ZFP64: variants seen among roughly 807,000 people sequenced by gnomAD.
ZFP64 encodes ZFP64 zinc finger protein, also known as zinc finger protein 64.
A neutral mutation model predicts 51.6 loss-of-function variants in ZFP64; 14 were observed. The observed-to-expected ratio is 0.27, with a 90% CI of 0.18 to 0.42. ZFP64 has a LOEUF of 0.42. Ranked by LOEUF, ZFP64 falls within the 10% of genes least tolerant of loss-of-function variation. ZFP64 has a pLI of 1.00. For missense variants in ZFP64, 754 were observed against 906.8 expected (o/e 0.83, Z 2.16); for synonymous variants, 375 against 361.4 (o/e 1.04, Z -0.43).
intron 7 of ZFP64, among the ~76,000 whole-genome samples, chr20:52,095,894 A>G (rs1263855597): frequency 6.6e-6 from 1 of 152,218 alleles, no homozygotes; most frequent in Non-Finnish European, 1.5e-5. Context: ...AGTTATTTTC[A>G]GGATAAAGTC....
intron 5 of ZFP64, among the ~76,000 whole-genome samples, chr20:52,125,960 C>T (rs1979428236): frequency 6.6e-6 from 1 of 152,098 alleles, no homozygotes; most frequent in Non-Finnish European, 1.5e-5. Flanking sequence ...TGGCTCACTG[C>T]AACCTCCGCG....
At position 52,160,539 on chromosome 20, in the gene ZFP64, G is replaced by A. The variant is rs1981703568; in HGVS notation, c.512-165C>T. Among the ~76,000 whole-genome samples the A allele has an allele frequency of 6.6e-6, 1 of 152,120 alleles. No individual in the cohort carries two copies. Among genetic ancestry groups the A allele is most frequent in the Non-Finnish European group, 1.5e-5 (1 of 68,034 alleles). ...TTGGCAAAGAGCTAACATCTTGGGA[G>A]AGGGGAAGTTTCTTCCATGTTCCTT... is the stretch of plus-strand genomic sequence containing the variant. On this transcript the variant is annotated intron_variant, in intron 4 of 5. Coordinates refer to ENST00000216923, the MANE Select transcript of ZFP64 (RefSeq NM_018197.3). The surrounding 1 kb of genome is among the most constrained non-coding windows in gnomAD (Gnocchi z 4.2).
chr20:52,094,287 G>A (rs1038461037), intron 7 of ZFP64, among the ~76,000 whole-genome samples: 1 of 152,198 alleles, frequency 6.6e-6, no homozygotes, highest in African/African-American at 2.4e-5. Context: ...AACTTTCAAG[G>A]AAAGTCGTTT....
intron 5 of ZFP64, among the ~76,000 whole-genome samples, chr20:52,100,156 A>G (rs1398164052): frequency 6.6e-6 from 1 of 152,002 alleles, no homozygotes; most frequent in East Asian, 1.9e-4. Flanking sequence ...TGCCCGGCTA[A>G]TTTTTTGTAT....
intron 2 of ZFP64, among the ~76,000 whole-genome samples, chr20:52,184,726 A>C (rs1227542751): frequency 6.6e-6 from 1 of 152,028 alleles, no homozygotes; most frequent in African/African-American, 2.4e-5. Flanking sequence ...TCCTGGGCTC[A>C]GGCGAGCCTC....
At chr20:52,144,779 G>A (rs987747166) in intron 5 of ZFP64, among the ~76,000 whole-genome samples, 7 of 151,590 alleles carry the variant, frequency 4.6e-5, no homozygotes, top group Non-Finnish European at 1.0e-4. Flanking sequence ...CAAGAAAGGT[G>A]GTGGACCCCC....
At chr20:52,174,609 C>T (rs1356507831) in intron 2 of ZFP64, among the ~76,000 whole-genome samples, 1 of 151,528 alleles carries the variant, frequency 6.6e-6, no homozygotes, top group Non-Finnish European at 1.5e-5. Context: ...TGTTGTCATT[C>T]ATCGAAAACA....
intron 2 of ZFP64, among the ~76,000 whole-genome samples, chr20:52,170,959 C>A (rs1982668885): frequency 1.3e-5 from 2 of 152,122 alleles, no homozygotes; most frequent in Non-Finnish European, 2.9e-5. Flanking sequence ...CCAGGAAATG[C>A]TGGTGGGCAT....
chr20:52,169,899 C>T (rs528560699), intron 2 of ZFP64, among the ~76,000 whole-genome samples: 178 of 151,946 alleles, frequency 1.2e-3, no homozygotes, highest in South Asian at 8.3e-3. Context: ...ACTAAAAATA[C>T]AAAATTAGCT....
intron 3 of ZFP64, chr20:52,165,371 G>A (rs573079291): frequency 2.2e-6 from 1 of 454,978 alleles, no homozygotes; most frequent in African/African-American, 2.0e-5. Flanking sequence ...CTTTCAAATG[G>A]TTTGGGGAAA....
intron 5 of ZFP64, among the ~76,000 whole-genome samples, chr20:52,121,920 G>A (rs1200819335): frequency 2.0e-5 from 3 of 152,134 alleles, no homozygotes; most frequent in Non-Finnish European, 2.9e-5. Context: ...AAATCCTAAG[G>A]CCCTTAAGAA....
At chr20:52,096,779 T>C in intron 7 of ZFP64, 1 of 228,564 alleles carries the variant, frequency 4.4e-6, no homozygotes, top group Admixed American at 4.7e-5. Flanking sequence ...ATCCTAGCTA[T>C]TCAGGAGGCT....
intron 5 of ZFP64, among the ~76,000 whole-genome samples, chr20:52,141,660 C>T (rs1483881558): frequency 6.6e-6 from 1 of 152,088 alleles, no homozygotes. Context: ...TATGGCTGAG[C>T]AAAGGAAGTG....
intron 5 of ZFP64, among the ~76,000 whole-genome samples, chr20:52,139,393 T>C (rs1414872014): frequency 2.0e-5 from 3 of 152,260 alleles, no homozygotes; most frequent in African/African-American, 7.2e-5. Flanking sequence ...AGTGAATTAA[T>C]GCAGGAACAG....
chr20:52,191,473 C>A lies in ZFP64; in HGVS notation c.46+118G>T, dbSNP rs1189806408. On this transcript the variant is annotated intron_variant, in intron 1 of 5. Coordinates refer to ENST00000216923, the MANE Select transcript of ZFP64 (RefSeq NM_018197.3). This position sits in a 1 kb window ranked among gnomAD's most constrained non-coding sequence, Gnocchi z 4.3. Reference sequence around the variant, plus strand: ...GCGGTCCCCGAGACGCGGCTCCGAGCCGTCACCCCGATTTCGGGGCCCCGG... The same window carrying A: ...GCGGTCCCCGAGACGCGGCTCCGAGACGTCACCCCGATTTCGGGGCCCCGG... 3 of 1,253,216 alleles carry A rather than the reference C, an allele frequency of 2.4e-6. No homozygotes were observed. The highest frequency in any genetic ancestry group is 3.1e-6 in the Non-Finnish European group (3 of 971,170). 77.6% of individuals were successfully genotyped at this position (1,253,216 alleles called of 1,614,324 possible). A position where few individuals can be genotyped will look rare whatever the true frequency, so the allele number is the denominator to read the frequency against.
At chr20:52,171,768 GA>G (rs1306375148) in intron 2 of ZFP64, among the ~76,000 whole-genome samples, 4 of 138,198 alleles carry the variant, frequency 2.9e-5, no homozygotes, top group Non-Finnish European at 6.2e-5. Flanking sequence ...TTTTTTTTGA[GA>G]TGCAGTCTCG....
chr20:52,116,297 G>A (rs901676413), intron 5 of ZFP64, among the ~76,000 whole-genome samples: 1 of 150,536 alleles, frequency 6.6e-6, no homozygotes, highest in Non-Finnish European at 1.5e-5. Context: ...CACCACGCAC[G>A]GCTTATTTTT....
At chr20:52,121,439 T>A (rs1056853795) in intron 5 of ZFP64, among the ~76,000 whole-genome samples, 2 of 152,186 alleles carry the variant, frequency 1.3e-5, no homozygotes, top group East Asian at 3.8e-4. Flanking sequence ...CTTTTAGTCA[T>A]CTGGACGGAG....
chr20:52,105,556 G>C (rs983791046), intron 5 of ZFP64: 6 of 264,196 alleles, frequency 2.3e-5, no homozygotes, highest in Non-Finnish European at 3.5e-5. Flanking sequence ...CAGGTGATTC[G>C]CATGCACATT....
Sources: allele counts gnomAD v4.1 joint callset (sites outside exome capture counted in the v4.1 genomes callset), GRCh38; gene constraint gnomAD v4.1.1; non-coding constraint Gnocchi (gnomAD v3.1); transcripts MANE v1.5; gene names NCBI Gene and HGNC (gene_info 2026-07-23, HGNC 2026-07-21).